Variants in SH2B3 observed in about 807,000 individuals in gnomAD.
The protein encoded by SH2B3 is SH2B adapter protein 3.
Under a neutral mutation model 51.9 loss-of-function variants are expected in SH2B3, and 43 were observed. The observed-to-expected ratio is 0.83, with a 90% CI of 0.65 to 1.07. SH2B3 has a LOEUF of 1.07. SH2B3 is among the 50% of genes least tolerant of loss of function. SH2B3 has a pLI of 0.00. For missense variants in SH2B3, 952 were observed against 834.3 expected, an observed-to-expected ratio of 1.14 and a Z score of -1.74; for synonymous variants, 396 against 376.0, an observed-to-expected ratio of 1.05 and a Z score of -0.62.
At chr12:111,420,412 G>A (rs1162726979) in intron 2 of SH2B3, among the ~76,000 whole-genome samples, 1 of 151,196 alleles carries the variant, frequency 6.6e-6, no homozygotes, top group Non-Finnish European at 1.5e-5. Flanking sequence ...TTCACAGCTG[G>A]CTTAATTCCT....
chr12:111,418,353 C>G lies in SH2B3; in HGVS notation c.208C>G (p.Leu70Val). Reference sequence around the variant, plus strand: ...GCTGGTGTCGCTGCAGTTCACCGACCTCTTCCAGCGCTACTTCTGCCGCGA... The same window carrying G: ...GCTGGTGTCGCTGCAGTTCACCGACGTCTTCCAGCGCTACTTCTGCCGCGA... ...AELVSLQFTDLFQRYFCREVR... is the reference protein window; with the variant it reads ...AELVSLQFTDVFQRYFCREVR... The change falls in exon 2 of 8, where the codon CTC becomes GTC. Residue 70 changes from leucine to valine, a missense_variant. Physicochemically the swap from Leu to Val is conservative, Grantham distance 32. Transcript: ENST00000341259. The surrounding 1 kb of genome is among the most constrained non-coding windows in gnomAD (Gnocchi z 6.7). 1.3e-6 allele frequency: 2 copies of G among 1,522,966 alleles called. No homozygotes were observed. The highest frequency in any genetic ancestry group is 8.8e-7 in the Non-Finnish European group (1 of 1,140,870). The allele number at this position is 1,522,966 out of a possible 1,614,324, so 94.3% of individuals were successfully genotyped here.
At chr12:111,427,403 A>AAAT (rs1872100147) in intron 2 of SH2B3, among the ~76,000 whole-genome samples, 1 of 150,930 alleles carries the variant, frequency 6.6e-6, no homozygotes, top group East Asian at 1.9e-4. Context: ...AAAAAAAAAA[A>AAAT]AAAAAAAAAA....
At chr12:111,443,751 C>A (rs1593072026) in intron 2 of SH2B3, 1 of 152,198 alleles carries the variant, frequency 6.6e-6, no homozygotes, top group East Asian at 1.9e-4. Context: ...GGCCTGTTAA[C>A]AGCTGTGCGA....
At chr12:111,426,875 G>A (rs1028050332) in intron 2 of SH2B3, among the ~76,000 whole-genome samples, 4 of 152,064 alleles carry the variant, frequency 2.6e-5, no homozygotes, top group African/African-American at 9.7e-5. Flanking sequence ...CCCTGAGACA[G>A]GAACTCTTGA....
In SH2B3 at chr12:111,409,140, A is replaced by T. The variant is rs147866626; in HGVS notation, c.-28+2863A>T. Among the ~76,000 whole-genome samples the T allele has an allele frequency of 9.9e-5, 15 of 152,174 alleles. No homozygotes were observed. The East Asian group carries it at 2.9e-3, about 29-fold the overall frequency. On this transcript the variant is annotated intron_variant, in intron 1 of 7. Coordinates refer to ENST00000341259, the MANE Select transcript of SH2B3 (RefSeq NM_005475.3). This position sits in a 1 kb window ranked among gnomAD's most constrained non-coding sequence, Gnocchi z 4.0. ...GGAAGCCAAGAGTTCCAGCCTCCCC[A>T]GGGTTGGGTGTGTGAAGTACAGTGT...
chr12:111,424,526 G>C (rs1386916896), intron 2 of SH2B3, among the ~76,000 whole-genome samples: 1 of 152,138 alleles, frequency 6.6e-6, no homozygotes, highest in Non-Finnish European at 1.5e-5. Context: ...AGATTCCCTA[G>C]GGCTTTTCCC....
chr12:111,418,312 C>G lies in SH2B3; in HGVS notation c.167C>G (p.Ala56Gly). The change falls in exon 2 of 8, where the codon GCG becomes GGG. Residue 56 changes from alanine (A) to glycine (G), a missense_variant. Transcript: ENST00000341259. This position sits in a 1 kb window ranked among gnomAD's most constrained non-coding sequence, Gnocchi z 6.7. ...WLFAREHPQH[A>G]PLRAELVSLQ... is the part of the protein sequence containing the mutation. Reference sequence around the variant, plus strand: ...TTCGCCCGGGAGCATCCGCAGCACGCGCCGCTGCGCGCCGAGCTGGTGTCG... The same window carrying G: ...TTCGCCCGGGAGCATCCGCAGCACGGGCCGCTGCGCGCCGAGCTGGTGTCG... The G allele has an allele frequency of 6.5e-7, 1 of 1,527,388 alleles. No individual in the cohort carries two copies. The highest frequency in any genetic ancestry group is 8.7e-7 in the Non-Finnish European group (1 of 1,142,986). 94.6% of individuals were successfully genotyped at this position (1,527,388 alleles called of 1,614,324 possible).
rs1872833312 is a variant in SH2B3, at chr12:111,435,914, G to A, written c.733-10839G>A. On this transcript the variant is annotated intron_variant, in intron 2 of 7. Coordinates refer to ENST00000341259, the MANE Select transcript of SH2B3 (RefSeq NM_005475.3). The surrounding 1 kb of genome is among the most constrained non-coding windows in gnomAD (Gnocchi z 4.8). ...GTGGTCGTGCGAGGCGTGGGCTGACGGCAGCTGGCATGCAGCAGGGGAGGT... is the reference window on the plus strand; with the variant it reads ...GTGGTCGTGCGAGGCGTGGGCTGACAGCAGCTGGCATGCAGCAGGGGAGGT... Among the ~76,000 whole-genome samples, 2 of 152,182 alleles carry A rather than the reference G, an allele frequency of 1.3e-5. No individual in the cohort carries two copies. The highest frequency in any genetic ancestry group is 2.4e-5 in the African/African-American group (1 of 41,438).
intron 2 of SH2B3, among the ~76,000 whole-genome samples, chr12:111,425,188 G>C (rs1871893729): frequency 6.6e-6 from 1 of 152,194 alleles, no homozygotes; most frequent in South Asian, 2.1e-4. Context: ...GCACTATGAG[G>C]GCTGCGCTGG....
chr12:111,425,087 G>A (rs936435376), intron 2 of SH2B3, among the ~76,000 whole-genome samples: 1 of 152,188 alleles, frequency 6.6e-6, no homozygotes, highest in African/African-American at 2.4e-5. Context: ...CCACAGGTGA[G>A]CCTCACCTGC....
rs1871247945 is a variant in SH2B3, at chr12:111,418,352, C to T, written c.207C>T (p.Asp69=). ...AGCTGGTGTCGCTGCAGTTCACCGA[C>T]CTCTTCCAGCGCTACTTCTGCCGCG... ...RAELVSLQFT[D]LFQRYFCREV... is the part of the protein sequence containing the mutation. Residue 69 remains aspartate (D), a synonymous_variant, in exon 2 of 8, where the codon GAC becomes GAT. Transcript: ENST00000341259. This position sits in a 1 kb window ranked among gnomAD's most constrained non-coding sequence, Gnocchi z 6.7. The T allele has an allele frequency of 6.6e-7, 1 of 1,522,874 alleles. No homozygotes were observed. The highest frequency in any genetic ancestry group is 1.2e-5 in the South Asian group (1 of 82,942). The allele number at this position is 1,522,874 out of a possible 1,614,324, so 94.3% of individuals were successfully genotyped here.
rs575196639 is a variant in SH2B3, at chr12:111,434,207, A to G, written c.733-12546A>G. ...AAAATTCACTTGTTTAAATTGTACA[A>G]TGCATTGGCTTTTAGTATATTTAAA... On this transcript the variant is annotated intron_variant, in intron 2 of 7. Transcript: ENST00000341259. Among the ~76,000 whole-genome samples, 7 of 152,310 alleles carry G rather than the reference A, an allele frequency of 4.6e-5. No individual in the cohort carries two copies. In the South Asian group the frequency reaches 1.2e-3, roughly 27 times the overall value.
chr12:111,436,902 G>GC (rs925152571), intron 2 of SH2B3, among the ~76,000 whole-genome samples: 1 of 151,208 alleles, frequency 6.6e-6, no homozygotes, highest in African/African-American at 2.4e-5. Context: ...CACTTCCCCC[G>GC]CCCCCCTCCC....
At chr12:111,424,435 T>C (rs1871821303) in intron 2 of SH2B3, among the ~76,000 whole-genome samples, 1 of 152,160 alleles carries the variant, frequency 6.6e-6, no homozygotes, top group Non-Finnish European at 1.5e-5. Context: ...CCCAGGTTTA[T>C]TTCCAGTGCT....
rs1259281319 is a variant in SH2B3 at position 111,429,448 on chromosome 12, C to T, written c.732+10571C>T. 6.6e-6 allele frequency among the ~76,000 whole-genome samples: 1 copy of T among 152,194 alleles called. No homozygotes were observed. Among genetic ancestry groups the T allele is most frequent in the Non-Finnish European group, 1.5e-5 (1 of 68,034 alleles). On this transcript the variant is annotated intron_variant, in intron 2 of 7. Transcript: ENST00000341259. This position sits in a 1 kb window ranked among gnomAD's most constrained non-coding sequence, Gnocchi z 4.4. ...CAGGGTTCAAGCAATTCTCCTGCCT[C>T]AGCCTCCCGAGTAGCTGGGATTACA...
chr12:111,414,623 G>GC (rs1319143102), intron 1 of SH2B3, among the ~76,000 whole-genome samples: 1 of 151,950 alleles, frequency 6.6e-6, no homozygotes, highest in Admixed American at 6.6e-5. Context: ...ACTCTGCATG[G>GC]CCCCCTTCCA....
Position 111,447,641 on chromosome 12 carries a change from C to A in SH2B3, c.1237-15C>A, listed in dbSNP as rs749619403. ...TAGAGGGACAGCCCGAGCCCACCAT[C>A]CTCTCCTCCCACAGCACCTGCGCCT... On this transcript the variant is annotated splice_polypyrimidine_tract_variant and intron_variant, in intron 6 of 7. Transcript: ENST00000341259. 1.2e-6 allele frequency: 2 copies of A among 1,609,090 alleles called. No homozygotes were observed. The highest frequency in any genetic ancestry group is 1.7e-6 in the Non-Finnish European group (2 of 1,176,548).
At chr12:111,415,916 C>T (rs1871049449) in intron 1 of SH2B3, among the ~76,000 whole-genome samples, 1 of 151,534 alleles carries the variant, frequency 6.6e-6, no homozygotes, top group African/African-American at 2.4e-5. Context: ...GCAGCTGCCC[C>T]CGGCCCATTT....
chr12:111,438,014 C>A lies in SH2B3; in HGVS notation c.733-8739C>A, dbSNP rs917472865. Among the ~76,000 whole-genome samples the A allele has an allele frequency of 2.0e-5, 3 of 152,174 alleles. No individual in the cohort carries two copies. The highest frequency in any genetic ancestry group is 7.2e-5 in the African/African-American group (3 of 41,434). On this transcript the variant is annotated intron_variant, in intron 2 of 7. Coordinates refer to ENST00000341259, the MANE Select transcript of SH2B3 (RefSeq NM_005475.3). The surrounding 1 kb of genome is among the most constrained non-coding windows in gnomAD (Gnocchi z 4.2). ...AGTTGCGTCATCAGGAAACCATGGC[C>A]GGTTCGATAAGCTCAGTGCTGAGGG...
Sources: gnomAD v4.1 joint callset for allele counts (sites outside exome capture counted in the v4.1 genomes callset) on GRCh38, gnomAD v4.1.1 for gene constraint, Gnocchi (gnomAD v3.1) non-coding constraint, MANE v1.5 for transcripts, NCBI Gene and HGNC (gene_info 2026-07-23, HGNC 2026-07-21) for gene names.